Variants in ASPHD1 observed in about 807,000 individuals in gnomAD.
ASPHD1 encodes the protein aspartate beta-hydroxylase domain containing 1.
ASPHD1 carries 20 observed loss-of-function variants against 28.3 expected under a neutral mutation model. The ratio of observed to expected loss-of-function variants is 0.71; its 90% CI spans 0.50 to 1.03. The LOEUF is 1.03. ASPHD1 is among the 50% of genes least tolerant of loss of function. The pLI, the probability that ASPHD1 is intolerant of heterozygous loss-of-function variation, is 0.00. For missense variants in ASPHD1, 479 were observed against 524.1 expected (o/e 0.91, Z 0.84); for synonymous variants, 240 against 221.2 (o/e 1.08, Z -0.75).
intron 3 of ASPHD1, among the ~76,000 whole-genome samples, chr16:29,916,657 A>C (rs1311505662): frequency 6.6e-6 from 1 of 151,696 alleles, no homozygotes; most frequent in East Asian, 2.0e-4. Context: ...TGAGGTCAGG[A>C]GTTCGAGACC....
At chr16:29,911,708 A>T in intron 3 of ASPHD1, 1 of 1,211,732 alleles carries the variant, frequency 8.3e-7, no homozygotes, top group Non-Finnish European at 1.2e-6. Flanking sequence ...GAGCAGGCAC[A>T]GATGTTCTTG....
chr16:29,905,940 C>A lies in ASPHD1; in HGVS notation c.*43C>A, dbSNP rs751924859. The A allele has an allele frequency of 1.4e-6, 2 of 1,428,396 alleles. No individual in the cohort carries two copies. The allele number at this position is 1,428,396 out of a possible 1,614,324, so 88.5% of individuals were successfully genotyped here. A position where few individuals can be genotyped will look rare whatever the true frequency, so the allele number is the denominator to read the frequency against. On this transcript the variant is annotated 3_prime_UTR_variant, in exon 3 of 3. Transcript: ENST00000308748. ...ACACACCCAGGCTGGAGAGACACTG[C>A]GCTCAGGGACGGCTTGATGGTAGCC... is the stretch of plus-strand genomic sequence containing the variant.
chr16:29,910,809 C>G (rs534177322), downstream of ASPHD1, among the ~76,000 whole-genome samples: 4 of 152,196 alleles, frequency 2.6e-5, no homozygotes, highest in Admixed American at 6.5e-5. Flanking sequence ...CACAGAGAAA[C>G]AGAGACCCAC....
chr16:29,903,156 G>C (rs1245512481), intron 1 of ASPHD1, among the ~76,000 whole-genome samples: 1 of 151,738 alleles, frequency 6.6e-6, no homozygotes, highest in Non-Finnish European at 1.5e-5. Flanking sequence ...GGGAGTTCGA[G>C]ACCAGCTGAC....
At chr16:29,918,152 G>A (rs2068842371) in intron 3 of ASPHD1, among the ~76,000 whole-genome samples, 1 of 152,164 alleles carries the variant, frequency 6.6e-6, no homozygotes, top group Non-Finnish European at 1.5e-5. Context: ...AGACTTATAG[G>A]TATTCTGTGG....
At chr16:29,916,898 G>A (rs2068819664) in intron 3 of ASPHD1, among the ~76,000 whole-genome samples, 1 of 152,124 alleles carries the variant, frequency 6.6e-6, no homozygotes, top group African/African-American at 2.4e-5. Flanking sequence ...CACTATGGCG[G>A]GGAGTCTGTG....
Position 29,901,972 on chromosome 16 carries a change from C to T in ASPHD1, c.949+52C>T, listed in dbSNP as rs1335252728. 1.1e-5 allele frequency: 15 copies of T among 1,362,900 alleles called. No homozygotes were observed. Among genetic ancestry groups the T allele is most frequent in the Non-Finnish European group, 1.4e-5 (15 of 1,041,876 alleles). The allele number at this position is 1,362,900 out of a possible 1,614,324, so 84.4% of individuals were successfully genotyped here. A position where few individuals can be genotyped will look rare whatever the true frequency, so the allele number is the denominator to read the frequency against. On this transcript the variant is annotated intron_variant, in intron 1 of 2. Transcript: ENST00000308748. This position sits in a 1 kb window ranked among gnomAD's most constrained non-coding sequence, Gnocchi z 5.1. ...CTCCTTGCCTCGATGATTTCCCCCC[C>T]AGACCCTTCTCTCCGCCAGAGCCGT... is the stretch of plus-strand genomic sequence containing the variant.
downstream of ASPHD1, chr16:29,906,928 G>A: frequency 2.5e-6 from 4 of 1,614,150 alleles, no homozygotes; most frequent in East Asian, 8.9e-5. Flanking sequence ...GTGATATGGC[G>A]CCGGACATGG....
chr16:29,901,618 G>T lies in ASPHD1; in HGVS notation c.647G>T (p.Ser216Ile), dbSNP rs765680119. The change falls in exon 1 of 3, where the codon AGC becomes ATC. Residue 216 changes from serine to isoleucine, a missense_variant. Transcript: ENST00000308748. This position sits in a 1 kb window ranked among gnomAD's most constrained non-coding sequence, Gnocchi z 5.1. ...CACGACGTGGAGCTCCTGGAGAGCA[G>T]CTTCCCTGCCATTTTGCGGGACTTC... ...QRHDVELLES[S>I]FPAILRDFGA... The T allele has an allele frequency of 6.4e-7, 1 of 1,561,532 alleles. No homozygotes were observed. The highest frequency in any genetic ancestry group is 2.0e-5 in the Admixed American group (1 of 50,950).
chr16:29,911,489 C>G, intron 3 of ASPHD1: 1 of 563,168 alleles, frequency 1.8e-6, no homozygotes, highest in South Asian at 2.3e-5. Flanking sequence ...TCTTGGTGTC[C>G]CGACCTCCTC....
Position 29,911,124 on chromosome 16 carries a change from C to T in ASPHD1, c.*62+5165C>T, listed in dbSNP as rs778129830. 5 of 1,614,056 alleles carry T rather than the reference C, an allele frequency of 3.1e-6. No individual in the cohort carries two copies. The African/African-American group carries it at 4.0e-5, about 13-fold the overall frequency. On this transcript the variant is annotated intron_variant and NMD_transcript_variant, in intron 3 of 3. Coordinates refer to the ASPHD1 transcript ENST00000414952. ...AGTAGCCGCCCGTGGAAGCGCAGGG[C>T]CAGCTTGTCGAACAGCTCGATGTTC...
intron 2 of ASPHD1, 22 bp downstream of exon 2, chr16:29,904,987 A>G (rs201341368): frequency 4.2e-4 from 656 of 1,553,288 alleles, no homozygotes; most frequent in Admixed American, 1.3e-3. Flanking sequence ...CCCATTCTGC[A>G]GGGGGGATGA....
downstream of ASPHD1, among the ~76,000 whole-genome samples, chr16:29,908,812 C>T (rs2068657021): frequency 1.3e-5 from 2 of 151,938 alleles, no homozygotes; most frequent in South Asian, 4.1e-4. Flanking sequence ...AAGTGATCCT[C>T]CCACCTCAGC....
Position 29,900,748 on chromosome 16 carries a change from A to G in ASPHD1, c.-224A>G, listed in dbSNP as rs1026118406. The G allele has an allele frequency of 3.4e-6, 2 of 588,004 alleles. No homozygotes were observed. The highest frequency in any genetic ancestry group is 3.8e-5 in the African/African-American group (2 of 52,766). The allele number at this position is 588,004 out of a possible 1,614,324, so 36.4% of individuals were successfully genotyped here. A position where few individuals can be genotyped will look rare whatever the true frequency, so the allele number is the denominator to read the frequency against. ...GACTGCAGGTCCAGGCAGGGTAGGAACCGCTGCCCAGGGGAGCTAGGAGGA... is the reference window on the plus strand; with the variant it reads ...GACTGCAGGTCCAGGCAGGGTAGGAGCCGCTGCCCAGGGGAGCTAGGAGGA... On this transcript the variant is annotated 5_prime_UTR_variant, in exon 1 of 3. Transcript: ENST00000308748.
Position 29,904,873 on chromosome 16 carries a change from G to A in ASPHD1, c.971G>A (p.Cys324Tyr), listed in dbSNP as rs762811792. The change falls in exon 2 of 3, where the codon TGT becomes TAT. Residue 324 changes from cysteine to tyrosine, a missense_variant. Physicochemically the swap from Cys to Tyr is radical, Grantham distance 194 (BLOSUM62 -2). Transcript: ENST00000308748. ...ACAGGCCTAAAGATCCCTCCTGGCTGTGAGCTGGTGGTCGGCGGTGAGCCC... is the reference window on the plus strand; with the variant it reads ...ACAGGCCTAAAGATCCCTCCTGGCTATGAGCTGGTGGTCGGCGGTGAGCCC... Reference protein sequence around the residue: ...CHLGLKIPPGCELVVGGEPQC... With the variant: ...CHLGLKIPPGYELVVGGEPQC... 2.5e-6 allele frequency: 4 copies of A among 1,612,638 alleles called. No individual in the cohort carries two copies. The highest frequency in any genetic ancestry group is 3.4e-6 in the Non-Finnish European group (4 of 1,179,592).
At chr16:29,907,918 G>A (rs986038832), downstream of ASPHD1, among the ~76,000 whole-genome samples, 5 of 151,688 alleles carry the variant, frequency 3.3e-5, no homozygotes, top group African/African-American at 9.7e-5. Context: ...CAGGAACATC[G>A]TTAGAGCCCA....
chr16:29,907,581 G>T (rs1359109291), downstream of ASPHD1, among the ~76,000 whole-genome samples: 1 of 152,064 alleles, frequency 6.6e-6, no homozygotes, highest in African/African-American at 2.4e-5. Flanking sequence ...GAGGCCAGGA[G>T]TTTGAGTCTA....
At chr16:29,911,396 A>T in intron 3 of ASPHD1, 3 of 570,230 alleles carry the variant, frequency 5.3e-6, no homozygotes, top group Non-Finnish European at 9.3e-6. Flanking sequence ...AGCTCCAGTG[A>T]GGGACCGGGA....
At chr16:29,911,613 C>A in intron 3 of ASPHD1, 1 of 611,646 alleles carries the variant, frequency 1.6e-6, no homozygotes, top group Non-Finnish European at 2.9e-6. Context: ...CTCACCCAAA[C>A]CCATTTACTG....
Sources: allele counts gnomAD v4.1 joint callset (sites outside exome capture counted in the v4.1 genomes callset), GRCh38; gene constraint gnomAD v4.1.1; non-coding constraint Gnocchi (gnomAD v3.1); transcripts MANE v1.5; gene names NCBI Gene and HGNC (gene_info 2026-07-23, HGNC 2026-07-21).